RABEP1: variants seen among roughly 807,000 people sequenced by gnomAD.
The protein encoded by RABEP1 is rabaptin, RAB GTPase binding effector protein 1, also known as rab GTPase-binding effector protein 1.
A neutral mutation model predicts 123.4 loss-of-function variants in RABEP1; 51 were observed. The ratio of observed to expected loss-of-function variants is 0.41; its 90% CI spans 0.33 to 0.52. The LOEUF is 0.52. Ranked by LOEUF, RABEP1 falls within the 20% of genes least tolerant of loss-of-function variation. RABEP1 has a pLI of 0.16. For synonymous variants in RABEP1, 347 were observed against 355.2 expected (o/e 0.98, Z 0.26); for missense variants, 888 against 996.3 (o/e 0.89, Z 1.46).
intron 1 of RABEP1, 82 bp downstream of exon 1, chr17:5,282,602 G>T: frequency 1.0e-6 from 1 of 970,376 alleles, no homozygotes; most frequent in Non-Finnish European, 1.3e-6. Context: ...GCGGGCAGGC[G>T]GCGGCAAGGG....
chr17:5,373,194 C>T (rs925151065), intron 12 of RABEP1, 120 bp from the exon 13 acceptor site: 77 of 860,112 alleles, frequency 9.0e-5, no homozygotes, highest in Non-Finnish European at 7.8e-5. Context: ...TCTAGCAGAA[C>T]TTCACCATAC....
At chr17:5,339,546 C>A (rs954625225) in intron 5 of RABEP1, among the ~76,000 whole-genome samples, 5 of 151,598 alleles carry the variant, frequency 3.3e-5, no homozygotes, top group African/African-American at 1.2e-4. Flanking sequence ...GCCTATAATC[C>A]CAGCACTTTG....
At chr17:5,335,404 ATTG>A in intron 4 of RABEP1, 60 bp downstream of exon 4, 6 of 1,401,462 alleles carry the variant, frequency 4.3e-6, no homozygotes, top group East Asian at 2.4e-5. Context: ...ATGCTTTAAT[ATTG>A]TTGTGTAATA....
chr17:5,290,056 G>A (rs1453698866), intron 1 of RABEP1, among the ~76,000 whole-genome samples: 1 of 152,118 alleles, frequency 6.6e-6, no homozygotes, highest in Non-Finnish European at 1.5e-5. Flanking sequence ...CTCTTCTTAT[G>A]TAGTCATTAA....
At chr17:5,373,016 C>T (rs1273853738) in intron 12 of RABEP1, among the ~76,000 whole-genome samples, 1 of 152,168 alleles carries the variant, frequency 6.6e-6, no homozygotes, top group Non-Finnish European at 1.5e-5. Flanking sequence ...CCTCAGCCTC[C>T]CAAAGTGTTG....
chr17:5,295,788 G>A (rs1475240496), intron 1 of RABEP1, among the ~76,000 whole-genome samples: 1 of 152,174 alleles, frequency 6.6e-6, no homozygotes, highest in African/African-American at 2.4e-5. Flanking sequence ...GCTCAAGGAT[G>A]TCAAAGATCT....
rs769164896 is a variant in RABEP1, at chr17:5,386,167, A to G, written c.*2944A>G. Reference sequence around the variant, plus strand: ...TTTACAATATGGGTTTAAGCCTTCAATGGTGTTCAGTTCAGGTGTGAGTCA... The same window carrying G: ...TTTACAATATGGGTTTAAGCCTTCAGTGGTGTTCAGTTCAGGTGTGAGTCA... On this transcript the variant is annotated 3_prime_UTR_variant, in exon 18 of 18. Transcript: ENST00000537505. 8.6e-6 allele frequency: 13 copies of G among 1,512,174 alleles called. No individual in the cohort carries two copies. Among genetic ancestry groups the G allele is most frequent in the Admixed American group, 3.7e-5 (2 of 54,520 alleles). 93.7% of individuals were successfully genotyped at this position (1,512,174 alleles called of 1,614,324 possible).
chr17:5,350,822 C>A (rs7219586), intron 7 of RABEP1, among the ~76,000 whole-genome samples, 193 bp downstream of exon 7: 1 of 151,882 alleles, frequency 6.6e-6, no homozygotes. Context: ...GGCCTCCTCT[C>A]GGGGGTGGGG....
At chr17:5,299,731 C>CTT (rs1171650180) in intron 1 of RABEP1, among the ~76,000 whole-genome samples, 32 of 96,854 alleles carry the variant, frequency 3.3e-4, no homozygotes, top group African/African-American at 4.1e-4. Flanking sequence ...TTTTCTTTTT[C>CTT]TTTTTTTTTT....
intron 2 of RABEP1, among the ~76,000 whole-genome samples, chr17:5,319,339 AAAC>A (rs1219850937): frequency 8.3e-5 from 10 of 120,972 alleles, no homozygotes; most frequent in Non-Finnish European, 1.4e-4. Flanking sequence ...AAAAAAAAAA[AAAC>A]AAAAAAACAA....
intron 5 of RABEP1, among the ~76,000 whole-genome samples, chr17:5,339,876 T>A (rs1437663653): frequency 2.0e-5 from 3 of 151,990 alleles, no homozygotes; most frequent in Non-Finnish European, 4.4e-5. Flanking sequence ...AAAAGAAAGC[T>A]GATATACCAA....
In RABEP1 at chr17:5,373,367, G is replaced by C; in HGVS notation, c.1938G>C (p.Gln646His). The change falls in exon 13 of 18, where the codon CAG becomes CAC. Residue 646 changes from glutamine (Q) to histidine (H), a missense_variant. Transcript: ENST00000537505. ...TTTCAGAAGAGCTGGTGAGGTTACA[G>C]AAAGATAATGACAGTCTCCAGGGAA... ...EQVSEELVRLQKDNDSLQGKH... is the reference protein window; with the variant it reads ...EQVSEELVRLHKDNDSLQGKH... 1 of 1,613,336 alleles carries C rather than the reference G, an allele frequency of 6.2e-7. No homozygotes were observed. The highest frequency in any genetic ancestry group is 8.5e-7 in the Non-Finnish European group (1 of 1,179,902).
intron 1 of RABEP1, 31 bp downstream of exon 1, chr17:5,282,551 G>T: frequency 8.6e-7 from 1 of 1,167,984 alleles, no homozygotes; most frequent in East Asian, 3.5e-5. Context: ...GGCGCGGCGG[G>T]CGCGGCCTGC....
rs750034968 is a variant in RABEP1, at chr17:5,312,019, A to G, written c.163+3197A>G. Among the ~76,000 whole-genome samples, 28 of 152,350 alleles carry G rather than the reference A, an allele frequency of 1.8e-4. 1 individual carries two copies. Among genetic ancestry groups the G allele is most frequent in the Non-Finnish European group, 1.8e-4 (12 of 68,032 alleles). ...AGTTCTTTAGCATCAAAATGTTTTT[A>G]TCCTATCAGCTAACAACTGAATTAG... On this transcript the variant is annotated intron_variant, in intron 2 of 17. Transcript: ENST00000537505.
At chr17:5,341,642 CAT>C (rs1474831813) in intron 5 of RABEP1, among the ~76,000 whole-genome samples, 3 of 152,110 alleles carry the variant, frequency 2.0e-5, no homozygotes, top group Non-Finnish European at 4.4e-5. Context: ...TGAGCAAACA[CAT>C]AGAAAGGTAG....
At chr17:5,292,267 T>C (rs2075040654) in intron 1 of RABEP1, among the ~76,000 whole-genome samples, 1 of 152,258 alleles carries the variant, frequency 6.6e-6, no homozygotes, top group Non-Finnish European at 1.5e-5. Context: ...TTTAGTATGA[T>C]TGGCTTTTGT....
intron 6 of RABEP1, among the ~76,000 whole-genome samples, chr17:5,347,295 A>G (rs1908141662): frequency 6.6e-6 from 1 of 152,156 alleles, no homozygotes; most frequent in South Asian, 2.1e-4. Context: ...CTGTTATCCC[A>G]GCTACTCAGG....
chr17:5,382,835 A>C (rs986914565), intron 17 of RABEP1, among the ~76,000 whole-genome samples: 16 of 151,824 alleles, frequency 1.1e-4, no homozygotes, highest in African/African-American at 3.9e-4. Flanking sequence ...CAGGAGAATC[A>C]CTTGAACCCG....
intron 2 of RABEP1, among the ~76,000 whole-genome samples, chr17:5,311,697 CAAAAAAAAAAAA>C (rs35876639): frequency 1.4e-5 from 1 of 70,880 alleles, no homozygotes; most frequent in East Asian, 6.3e-4. Context: ...GACTTCATCT[CAAAAAAAAAAAA>C]AAAAAAAAAA....
Sources: gnomAD v4.1 joint callset for allele counts (sites outside exome capture counted in the v4.1 genomes callset) on GRCh38, gnomAD v4.1.1 for gene constraint, MANE v1.5 for transcripts, NCBI Gene and HGNC (gene_info 2026-07-23, HGNC 2026-07-21) for gene names.